Variants in ESR1 observed in about 807,000 individuals in gnomAD.
ESR1 encodes estrogen receptor 1, also known as estrogen receptor.
ESR1 carries 12 observed loss-of-function variants against 52.7 expected under a neutral mutation model. That is an observed-to-expected ratio of 0.23 (90% CI 0.15 to 0.37). ESR1 has a LOEUF of 0.37. ESR1 is among the 10% of genes least tolerant of loss of function. The pLI is 1.00. For synonymous variants in ESR1, 305 were observed against 316.8 expected, an observed-to-expected ratio of 0.96 and a Z score of 0.39; for missense variants, 584 against 779.7, an observed-to-expected ratio of 0.75 and a Z score of 2.99.
Position 151,901,102 on chromosome 6 carries a change from G to A in ESR1, c.760+20331G>A, listed in dbSNP as rs540637694. On this transcript the variant is annotated intron_variant, in intron 3 of 7. Coordinates refer to ENST00000206249, the MANE Select transcript of ESR1 (RefSeq NM_000125.4). The stretch of plus-strand genomic sequence containing the variant: ...GACTGTCTGAGCTCAGACTCTCCTC[G>A]GGTGAGTCTTGCTGAGGCTGTGCTG... Among the ~76,000 whole-genome samples the A allele has an allele frequency of 3.9e-5, 6 of 152,262 alleles. No homozygotes were observed. In the South Asian group the frequency reaches 1.0e-3, roughly 26 times the overall value.
chr6:151,905,123 C>G (rs952006665), intron 3 of ESR1, among the ~76,000 whole-genome samples: 2 of 152,088 alleles, frequency 1.3e-5, no homozygotes, highest in Admixed American at 6.5e-5. Context: ...AAAAACACTC[C>G]AATGAACCAC....
chr6:151,799,796 A>T (rs1393470329), upstream of ESR1, among the ~76,000 whole-genome samples: 3 of 152,222 alleles, frequency 2.0e-5, no homozygotes, highest in African/African-American at 7.2e-5. Context: ...AAGCATGAGT[A>T]GGAGTATGTC....
rs2050866556 is a variant in ESR1, at chr6:152,099,102, C to G, written c.*136C>G. Reference sequence around the variant, plus strand: ...ACCAATGGCTTTCTAGATGAGTGGCCATTCATTTGCTTGCTCAGTTCTTAG... The same window carrying G: ...ACCAATGGCTTTCTAGATGAGTGGCGATTCATTTGCTTGCTCAGTTCTTAG... On this transcript the variant is annotated 3_prime_UTR_variant, in exon 8 of 8. Transcript: ENST00000206249. 5.6e-6 allele frequency: 4 copies of G among 712,818 alleles called. No homozygotes were observed. The highest frequency in any genetic ancestry group is 9.9e-6 in the Non-Finnish European group (4 of 403,936). 44.2% of individuals were successfully genotyped at this position (712,818 alleles called of 1,614,324 possible).
chr6:151,867,264 TG>T (rs1790080767), intron 2 of ESR1, among the ~76,000 whole-genome samples: 2 of 152,004 alleles, frequency 1.3e-5, no homozygotes. Flanking sequence ...AATTGACAAA[TG>T]GGATCTAATT....
chr6:151,918,210 C>T (rs940289885), intron 3 of ESR1, among the ~76,000 whole-genome samples: 2 of 152,218 alleles, frequency 1.3e-5, no homozygotes, highest in Non-Finnish European at 2.9e-5. Flanking sequence ...GAGTTTGCCA[C>T]AGCAGGTAGG....
chr6:151,986,571 T>C (rs2144025), intron 4 of ESR1, among the ~76,000 whole-genome samples: 114,873 of 152,036 alleles, frequency 0.76, 44,957 homozygotes, highest in Middle Eastern at 0.87. Flanking sequence ...TGGACCAACT[T>C]GTTGTTTTAG....
intron 2 of ESR1, among the ~76,000 whole-genome samples, chr6:151,743,659 T>G (rs1049119415): frequency 3.3e-5 from 5 of 152,166 alleles, no homozygotes; most frequent in Admixed American, 6.5e-5. Context: ...CCAGAATTTC[T>G]AACTTCTCAA....
chr6:152,120,625 A>C (rs2051298530), intron 6 of ESR1, among the ~76,000 whole-genome samples: 1 of 152,116 alleles, frequency 6.6e-6, no homozygotes, highest in Non-Finnish European at 1.5e-5. Context: ...GCAGGCAAGG[A>C]GGAATGAAGT....
intron 3 of ESR1, among the ~76,000 whole-genome samples, chr6:151,906,151 A>C (rs1797416593): frequency 6.6e-6 from 1 of 152,148 alleles, no homozygotes; most frequent in African/African-American, 2.4e-5. Context: ...GAGATTAAGA[A>C]CTATGAGATA....
chr6:151,662,075 T>C (rs1044362519), intron 1 of ESR1, among the ~76,000 whole-genome samples: 2 of 152,128 alleles, frequency 1.3e-5, no homozygotes, highest in African/African-American at 2.4e-5. Context: ...TAACTATTGC[T>C]GGAGTGAGGT....
chr6:152,077,225 G>A (rs1451055194), intron 6 of ESR1, among the ~76,000 whole-genome samples: 1 of 152,226 alleles, frequency 6.6e-6, no homozygotes, highest in Non-Finnish European at 1.5e-5. Context: ...GGTTTCAGAG[G>A]TTGCAAGCCC....
At chr6:151,770,398 ATTTAT>A (rs1420261984) in intron 2 of ESR1, among the ~76,000 whole-genome samples, 2 of 152,162 alleles carry the variant, frequency 1.3e-5, no homozygotes, top group Non-Finnish European at 2.9e-5. Flanking sequence ...CTCTAGAAAT[ATTTAT>A]TTTATAGAAT....
At chr6:151,875,074 A>G (rs939043670) in intron 2 of ESR1, among the ~76,000 whole-genome samples, 2 of 152,254 alleles carry the variant, frequency 1.3e-5, no homozygotes, top group African/African-American at 4.8e-5. Context: ...TGGGGCAATC[A>G]TGAAATACAG....
chr6:151,793,650 T>C (rs938374871), intron 2 of ESR1, among the ~76,000 whole-genome samples: 6 of 152,106 alleles, frequency 3.9e-5, no homozygotes, highest in African/African-American at 1.4e-4. Context: ...CAGGAGGCAA[T>C]AGGAATTTTT....
chr6:151,823,934 A>C (rs549182129), intron 1 of ESR1, among the ~76,000 whole-genome samples: 4 of 152,164 alleles, frequency 2.6e-5, no homozygotes, highest in African/African-American at 9.7e-5. Context: ...ATAAACATAC[A>C]TGTGCATGTG....
At chr6:151,862,932 G>C (rs965012247) in intron 2 of ESR1, among the ~76,000 whole-genome samples, 1 of 151,846 alleles carries the variant, frequency 6.6e-6, no homozygotes, top group African/African-American at 2.4e-5. Context: ...AAAGTATACA[G>C]TTCTTCTTTA....
intron 2 of ESR1, among the ~76,000 whole-genome samples, chr6:151,760,140 G>A (rs561129710): frequency 2.2e-4 from 33 of 152,210 alleles, no homozygotes; most frequent in East Asian, 7.7e-4. Flanking sequence ...CCCCTACCAC[G>A]TCCATATATA....
intron 5 of ESR1, among the ~76,000 whole-genome samples, chr6:152,016,877 GC>G (rs754345609): frequency 5.9e-5 from 9 of 152,208 alleles, no homozygotes; most frequent in Non-Finnish European, 1.2e-4. Flanking sequence ...GTTTTCATTT[GC>G]GTAGAAATAG....
At chr6:151,754,909 C>G (rs965840531) in intron 2 of ESR1, among the ~76,000 whole-genome samples, 3 of 152,162 alleles carry the variant, frequency 2.0e-5, no homozygotes, top group African/African-American at 7.2e-5. Flanking sequence ...CCAAACTTAA[C>G]ATGTCTAAAA....
Sources: allele counts gnomAD v4.1 joint callset (sites outside exome capture counted in the v4.1 genomes callset), GRCh38; gene constraint gnomAD v4.1.1; transcripts MANE v1.5; gene names NCBI Gene and HGNC (gene_info 2026-07-23, HGNC 2026-07-21).